Variants in UNC80 observed in about 807,000 individuals in gnomAD.
UNC80 encodes protein unc-80 homolog.
In UNC80, 164 loss-of-function variants were observed where a neutral mutation model predicts 384.6. The observed-to-expected ratio is 0.43, with a 90% CI of 0.38 to 0.49. The LOEUF (loss-of-function observed/expected upper bound fraction) is 0.49, where lower values mean the gene tolerates loss of function less well. Among genes scored for constraint, UNC80 ranks in the 20% least tolerant of loss-of-function variants. The probability of loss-of-function intolerance (pLI) is 0.00; values close to 1 mark genes in which losing one functional copy is unlikely to be tolerated. For synonymous variants in UNC80, 1,486 were observed against 1,527.8 expected (o/e 0.97, Z 0.64); for missense variants, 3,330 against 4,143.0 (o/e 0.80, Z 5.39).
At chr2:209,906,537 A>G (rs1227445099) in intron 29 of UNC80, among the ~76,000 whole-genome samples, 1 of 152,136 alleles carries the variant, frequency 6.6e-6, no homozygotes, top group Non-Finnish European at 1.5e-5. Flanking sequence ...GAGATTATCC[A>G]CACTTTATAT....
intron 2 of UNC80, among the ~76,000 whole-genome samples, chr2:209,774,922 CCTGT>C (rs963324484): frequency 6.6e-6 from 1 of 151,986 alleles, no homozygotes; most frequent in Admixed American, 6.6e-5. Context: ...TATTAGGATA[CCTGT>C]CTTTCTCACA....
At position 209,998,823 on chromosome 2, in the gene UNC80, A is replaced by C. The variant is rs1325435462; in HGVS notation, c.*3228A>C. ...TCATGCTGTTGCCCTGTGACCTCAC[A>C]CTTCCCATTCCATGGCCTTGTCTTG... On this transcript the variant is annotated 3_prime_UTR_variant, in exon 65 of 65. Transcript: ENST00000673920. 6.6e-6 allele frequency: 1 copy of C among 152,144 alleles called. No homozygotes were observed. Among genetic ancestry groups the C allele is most frequent in the Non-Finnish European group, 1.5e-5 (1 of 68,024 alleles). 9.4% of individuals were successfully genotyped at this position (152,144 alleles called of 1,614,324 possible).
intron 25 of UNC80, 76 bp from the exon 26 acceptor site, chr2:209,888,019 G>T: frequency 7.0e-7 from 1 of 1,431,982 alleles, no homozygotes; most frequent in Non-Finnish European, 9.5e-7. Context: ...AATTCAAAAT[G>T]GTGGGAGGCT....
chr2:209,832,957 C>T (rs995097428), intron 16 of UNC80, among the ~76,000 whole-genome samples: 1 of 152,176 alleles, frequency 6.6e-6, no homozygotes, highest in Non-Finnish European at 1.5e-5. Flanking sequence ...GATTAGCCTA[C>T]ACCTCTGATT....
chr2:209,942,149 T>G (rs2091671634), intron 44 of UNC80, among the ~76,000 whole-genome samples: 2 of 152,166 alleles, frequency 1.3e-5, no homozygotes, highest in South Asian at 4.1e-4. Context: ...TATTGTGAAC[T>G]GTGCATGCAA....
chr2:209,877,902 T>C, intron 23 of UNC80, 52 bp from the exon 24 acceptor site: 1 of 1,456,740 alleles, frequency 6.9e-7, no homozygotes, highest in Middle Eastern at 1.8e-4. Context: ...GAGAGCCTAT[T>C]TTAGAGTTTG....
At chr2:209,844,446 T>TCC (rs2081989812) in intron 21 of UNC80, among the ~76,000 whole-genome samples, 1 of 130,798 alleles carries the variant, frequency 7.6e-6, no homozygotes. Context: ...TTTCTTGCTC[T>TCC]TTTCTTTTCT....
chr2:209,855,757 A>G (rs925560055), intron 22 of UNC80, among the ~76,000 whole-genome samples: 5 of 151,974 alleles, frequency 3.3e-5, no homozygotes, highest in Non-Finnish European at 7.4e-5. Context: ...AAGTCATGCT[A>G]TCCTCTTTCT....
intron 23 of UNC80, among the ~76,000 whole-genome samples, chr2:209,875,065 TCA>T (rs957037235): frequency 6.6e-6 from 1 of 152,124 alleles, no homozygotes; most frequent in African/African-American, 2.4e-5. Context: ...GGTCTTCTCC[TCA>T]CAGTCTCCTC....
intron 54 of UNC80, 107 bp from the exon 55 acceptor site, chr2:209,972,094 C>A: frequency 7.3e-7 from 1 of 1,367,022 alleles, no homozygotes; most frequent in African/African-American, 1.5e-5. Flanking sequence ...TCATAGTTTA[C>A]AGGAGCAGCC....
At chr2:209,945,517 A>G (rs760711638) in intron 46 of UNC80, among the ~76,000 whole-genome samples, 2 of 152,184 alleles carry the variant, frequency 1.3e-5, no homozygotes, top group Non-Finnish European at 2.9e-5. Context: ...ATGGTCTTTT[A>G]TTATCATGGA....
intron 29 of UNC80, among the ~76,000 whole-genome samples, chr2:209,908,478 A>AT (rs1056114044): frequency 2.7e-4 from 41 of 152,292 alleles, no homozygotes; most frequent in African/African-American, 9.1e-4. Context: ...GAATTCTGAG[A>AT]TTTTTCCTCT....
At chr2:209,840,401 A>G (rs1226668568) in intron 19 of UNC80, 141 bp from the exon 20 acceptor site, 13 of 687,030 alleles carry the variant, frequency 1.9e-5, no homozygotes, top group Admixed American at 1.0e-4. Flanking sequence ...TATTCAAAGC[A>G]TGTACATTGA....
At chr2:209,960,089 C>T (rs915423862) in intron 51 of UNC80, among the ~76,000 whole-genome samples, 30 of 152,306 alleles carry the variant, frequency 2.0e-4, no homozygotes, top group Middle Eastern at 6.8e-3. Flanking sequence ...TGTTATTTTA[C>T]ATGAGGAATG....
At chr2:209,971,062 A>G in intron 54 of UNC80, 105 bp downstream of exon 54, 1 of 1,412,576 alleles carries the variant, frequency 7.1e-7, no homozygotes, top group Non-Finnish European at 9.4e-7. Flanking sequence ...AATCTGTGAA[A>G]CAAAAGTGTA....
chr2:209,945,222 C>T, intron 46 of UNC80, 33 bp downstream of exon 46: 2 of 1,543,818 alleles, frequency 1.3e-6, no homozygotes, highest in South Asian at 2.4e-5. Flanking sequence ...CATTCTTTTT[C>T]TCACTGCAGT....
At chr2:209,842,863 G>A (rs2081867716) in intron 21 of UNC80, among the ~76,000 whole-genome samples, 1 of 152,186 alleles carries the variant, frequency 6.6e-6, no homozygotes, top group East Asian at 1.9e-4. Context: ...AAAGCAACCT[G>A]TTCTAGAGCA....
intron 11 of UNC80, 41 bp from the exon 12 acceptor site, chr2:209,818,952 T>C: frequency 6.5e-7 from 1 of 1,536,498 alleles, no homozygotes; most frequent in Non-Finnish European, 8.8e-7. Flanking sequence ...GTATTGTAGG[T>C]TAATGTAGGG....
intron 54 of UNC80, among the ~76,000 whole-genome samples, chr2:209,971,620 C>T (rs775718238): frequency 3.9e-5 from 6 of 152,168 alleles, no homozygotes; most frequent in Non-Finnish European, 8.8e-5. Context: ...GTTTGACAAC[C>T]AAGCTTGATG....
Sources: gnomAD v4.1 joint callset for allele counts (sites outside exome capture counted in the v4.1 genomes callset) on GRCh38, gnomAD v4.1.1 for gene constraint, MANE v1.5 for transcripts, NCBI Gene and HGNC (gene_info 2026-07-23, HGNC 2026-07-21) for gene names.